The following FAM178B variants were observed in gnomAD, a reference collection of about 807,000 sequenced individuals.
The protein encoded by FAM178B is family with sequence similarity 178 member B.
In FAM178B, 82 loss-of-function variants were observed where a neutral mutation model predicts 91.7. The observed-to-expected ratio is 0.89, with a 90% CI of 0.75 to 1.07. The LOEUF is 1.07. FAM178B is among the 50% of genes least tolerant of loss of function. The pLI is 0.00. For synonymous variants in FAM178B, 368 were observed against 359.4 expected (o/e 1.02, Z -0.27); for missense variants, 769 against 846.7 (o/e 0.91, Z 1.14).
At chr2:96,922,979 G>GC (rs935629736) in intron 10 of FAM178B, among the ~76,000 whole-genome samples, 29 of 143,164 alleles carry the variant, frequency 2.0e-4, no homozygotes, top group Admixed American at 1.9e-3. Flanking sequence ...CAGCCTTTTT[G>GC]TTTTTTTGAG....
intron 9 of FAM178B, among the ~76,000 whole-genome samples, chr2:96,928,554 GA>G (rs984850943): frequency 6.6e-6 from 1 of 152,136 alleles, no homozygotes; most frequent in Non-Finnish European, 1.5e-5. Flanking sequence ...TTCCTGAGTG[GA>G]TATTAGGTAA....
At chr2:96,934,630 C>T (rs1262478527) in intron 8 of FAM178B, among the ~76,000 whole-genome samples, 3 of 152,200 alleles carry the variant, frequency 2.0e-5, no homozygotes, top group Admixed American at 1.3e-4. Flanking sequence ...GGCAGACCGG[C>T]GTTCTCCCAA....
chr2:96,916,213 C>T (rs148977936), intron 12 of FAM178B, among the ~76,000 whole-genome samples: 1 of 152,262 alleles, frequency 6.6e-6, no homozygotes, highest in African/African-American at 2.4e-5. Flanking sequence ...CCAAACTGGC[C>T]TCCAGAGGGA....
rs780413407 is a variant in FAM178B, at chr2:96,947,919, AAC to A, written c.994-19_994-18del. ...TGTCAGCAGCTAGGTGGAAAAAAAA[AAC>A]AAAAACAAAAACCTGGTGAGCTGGG... On this transcript the variant is annotated intron_variant, in intron 7 of 16. Transcript: ENST00000490605. 4.0e-5 allele frequency: 55 copies of A among 1,385,200 alleles called. No individual in the cohort carries two copies. The East Asian group carries it at 6.3e-4, about 16-fold the overall frequency. The allele number at this position is 1,385,200 out of a possible 1,614,324, so 85.8% of individuals were successfully genotyped here.
At chr2:96,910,007 C>A (rs927001677) in intron 12 of FAM178B, among the ~76,000 whole-genome samples, 1 of 152,072 alleles carries the variant, frequency 6.6e-6, no homozygotes, top group Non-Finnish European at 1.5e-5. Flanking sequence ...TCCTTCATGC[C>A]GAACCCAGCC....
chr2:96,978,686 G>A (rs562616530), intron 1 of FAM178B, among the ~76,000 whole-genome samples: 100 of 150,120 alleles, frequency 6.7e-4, no homozygotes, highest in African/African-American at 1.9e-3. Flanking sequence ...GTGCAGCGGC[G>A]TCATCTTGGC....
chr2:96,909,144 A>G (rs2081107515), intron 12 of FAM178B, among the ~76,000 whole-genome samples: 2 of 112,154 alleles, frequency 1.8e-5, no homozygotes, highest in African/African-American at 6.3e-5. Context: ...CTCTGTCTCA[A>G]AAAAAAAAAA....
In FAM178B at chr2:96,967,911, CTTTTTTTTT is replaced by C. The variant is rs60965536; in HGVS notation, c.627-293_627-285del. The stretch of plus-strand genomic sequence containing the variant: ...TCTTTACTTGTGTACCCTGTTTGGT[CTTTTTTTTT>C]TTTTTTTTTTTTTTTTTTGATACCA... On this transcript the variant is annotated intron_variant, in intron 4 of 16. Transcript: ENST00000490605. Among the ~76,000 whole-genome samples, 52 of 62,446 alleles carry C rather than the reference CTTTTTTTTT, an allele frequency of 8.3e-4. 4 individuals are homozygous for C. The Middle Eastern group carries it at 0.061, about 73-fold the overall frequency. The allele number at this position is 62,446 out of a possible 152,430, so 41.0% of individuals were successfully genotyped here. A position where few individuals can be genotyped will look rare whatever the true frequency, so the allele number is the denominator to read the frequency against.
At chr2:96,949,851 C>T (rs540560719) in intron 7 of FAM178B, 5 of 392,158 alleles carry the variant, frequency 1.3e-5, no homozygotes, top group South Asian at 1.0e-4. Flanking sequence ...AGGCAGCTCA[C>T]GGATGTCCCA....
chr2:96,911,225 C>T (rs971674727), intron 12 of FAM178B, among the ~76,000 whole-genome samples: 12 of 152,306 alleles, frequency 7.9e-5, no homozygotes, highest in African/African-American at 2.6e-4. Flanking sequence ...CTGATGCTCA[C>T]GGCCCGCGTC....
intron 12 of FAM178B, among the ~76,000 whole-genome samples, chr2:96,907,437 C>T (rs2081077096): frequency 6.6e-6 from 1 of 152,144 alleles, no homozygotes; most frequent in Non-Finnish European, 1.5e-5. Flanking sequence ...GCAAGGCCTC[C>T]CCGGAACTCC....
chr2:96,975,086 C>A (rs1292505743), intron 1 of FAM178B, among the ~76,000 whole-genome samples: 3 of 101,302 alleles, frequency 3.0e-5, no homozygotes, highest in African/African-American at 3.7e-5. Flanking sequence ...CAGAGTGAGA[C>A]TCTGTCTCAA....
chr2:96,966,073 T>C (rs888224375), intron 5 of FAM178B, among the ~76,000 whole-genome samples: 9 of 152,030 alleles, frequency 5.9e-5, no homozygotes, highest in African/African-American at 2.2e-4. Context: ...TATGCAGACA[T>C]GTGTCCAATT....
rs542710137 is a variant in FAM178B, at chr2:96,876,088, G to T, written c.*188C>A. The T allele has an allele frequency of 1.3e-5, 8 of 611,304 alleles. No homozygotes were observed. The African/African-American group carries it at 1.5e-4, about 11-fold the overall frequency. 37.9% of individuals were successfully genotyped at this position (611,304 alleles called of 1,614,324 possible). A position where few individuals can be genotyped will look rare whatever the true frequency, so the allele number is the denominator to read the frequency against. ...CCTTGCTGAGAGGAGAGGGGGTCGGGGCGGTGGCAGAGGCAGGCTCTTGCA... is the reference window on the plus strand; with the variant it reads ...CCTTGCTGAGAGGAGAGGGGGTCGGTGCGGTGGCAGAGGCAGGCTCTTGCA... On this transcript the variant is annotated 3_prime_UTR_variant, in exon 17 of 17. Coordinates refer to ENST00000490605, the MANE Select transcript of FAM178B (RefSeq NM_001122646.3).
At chr2:96,881,721 A>G (rs907253813) in intron 14 of FAM178B, among the ~76,000 whole-genome samples, 1 of 128,690 alleles carries the variant, frequency 7.8e-6, no homozygotes, top group African/African-American at 2.9e-5. Flanking sequence ...GCTAATTCCC[A>G]TAATTGAATC....
At chr2:96,929,174 GA>G in intron 9 of FAM178B, 31 bp downstream of exon 9, 1 of 1,422,312 alleles carries the variant, frequency 7.0e-7, no homozygotes, top group Non-Finnish European at 9.7e-7. Flanking sequence ...AAATATGAAA[GA>G]AAAAGGCAGT....
intron 14 of FAM178B, among the ~76,000 whole-genome samples, chr2:96,891,466 A>G (rs890292287): frequency 3.3e-5 from 5 of 152,248 alleles, no homozygotes; most frequent in African/African-American, 1.2e-4. Context: ...CGAATGCCAG[A>G]ACAGAATGGA....
At chr2:96,956,682 G>A (rs2082004473) in intron 6 of FAM178B, 1 of 152,146 alleles carries the variant, frequency 6.6e-6, no homozygotes, top group Non-Finnish European at 1.5e-5. Flanking sequence ...GTGGTATAAC[G>A]AGGAAAATGA....
intron 13 of FAM178B, among the ~76,000 whole-genome samples, chr2:96,896,010 G>A (rs1253644577): frequency 6.6e-6 from 1 of 152,224 alleles, no homozygotes; most frequent in African/African-American, 2.4e-5. Context: ...GGCACCATCT[G>A]GGGCTTCACC....
Sources: gnomAD v4.1 joint callset for allele counts (sites outside exome capture counted in the v4.1 genomes callset) on GRCh38, gnomAD v4.1.1 for gene constraint, MANE v1.5 for transcripts, NCBI Gene and HGNC (gene_info 2026-07-23, HGNC 2026-07-21) for gene names.